Variants in MTUS2 observed in about 807,000 individuals in gnomAD.
MTUS2 encodes microtubule-associated tumor suppressor candidate 2.
In MTUS2, 40 loss-of-function variants were observed where a neutral mutation model predicts 114.1. The observed-to-expected ratio is 0.35, with a 90% CI of 0.27 to 0.46. The LOEUF (loss-of-function observed/expected upper bound fraction) is 0.46. Among genes scored for constraint, MTUS2 ranks in the 20% least tolerant of loss-of-function variants. The pLI is 1.00. For missense variants in MTUS2, 1,679 were observed against 1,705.4 expected, an observed-to-expected ratio of 0.98 and a Z score of 0.27; for synonymous variants, 688 against 672.0, an observed-to-expected ratio of 1.02 and a Z score of -0.37.
intron 4 of MTUS2, among the ~76,000 whole-genome samples, chr13:29,067,347 G>A (rs1888710259): frequency 6.6e-6 from 1 of 152,154 alleles, no homozygotes. Context: ...TGTAGGGTGG[G>A]AGTGGGGAGA....
chr13:29,426,323 G>A (rs1249908802), intron 8 of MTUS2, among the ~76,000 whole-genome samples: 2 of 152,176 alleles, frequency 1.3e-5, no homozygotes, highest in African/African-American at 4.8e-5. Flanking sequence ...TCAACTTAAC[G>A]GTATTTTCAG....
chr13:28,846,610 G>A (rs1875904503), intron 2 of MTUS2, among the ~76,000 whole-genome samples: 1 of 152,184 alleles, frequency 6.6e-6, no homozygotes, highest in Admixed American at 6.5e-5. Flanking sequence ...TAGACTGCTT[G>A]TCAGAAGAGC....
intron 8 of MTUS2, among the ~76,000 whole-genome samples, chr13:29,399,574 A>G (rs1874169551): frequency 6.6e-6 from 1 of 152,236 alleles, no homozygotes; most frequent in African/African-American, 2.4e-5. Flanking sequence ...TCAGTTACAG[A>G]ATAGATAATT....
At chr13:29,492,843 G>T in intron 12 of MTUS2, 124 bp downstream of exon 12, 1 of 739,916 alleles carries the variant, frequency 1.4e-6, no homozygotes, top group Non-Finnish European at 2.2e-6. Context: ...AGAATATAAG[G>T]TAAATAAGTC....
chr13:29,005,605 G>A (rs1267323097), intron 2 of MTUS2, among the ~76,000 whole-genome samples: 1 of 152,206 alleles, frequency 6.6e-6, no homozygotes, highest in Non-Finnish European at 1.5e-5. Context: ...TGCTGTAAGC[G>A]AGGCACAGGC....
At chr13:29,178,180 A>G (rs945360671) in intron 5 of MTUS2, among the ~76,000 whole-genome samples, 1 of 152,162 alleles carries the variant, frequency 6.6e-6, no homozygotes, top group African/African-American at 2.4e-5. Context: ...ATCACGTTGA[A>G]TACCAAACAA....
intron 5 of MTUS2, among the ~76,000 whole-genome samples, chr13:29,137,117 A>T (rs965929291): frequency 6.6e-6 from 1 of 152,210 alleles, no homozygotes; most frequent in Non-Finnish European, 1.5e-5. Flanking sequence ...TTTCTGCTGC[A>T]TCCTTATAAG....
intron 6 of MTUS2, chr13:29,307,444 G>C: frequency 2.3e-6 from 3 of 1,318,278 alleles, no homozygotes; most frequent in South Asian, 2.4e-5. Flanking sequence ...GGTCATCCCT[G>C]AGCTGAATGG....
At chr13:28,925,838 G>A (rs1394197543) in intron 2 of MTUS2, among the ~76,000 whole-genome samples, 3 of 152,192 alleles carry the variant, frequency 2.0e-5, no homozygotes, top group Non-Finnish European at 2.9e-5. Context: ...AGCTGTTAGC[G>A]TTTCTTGTGG....
chr13:29,461,467 A>ATATTTGTAT (rs1879488545), intron 9 of MTUS2, among the ~76,000 whole-genome samples: 1 of 152,266 alleles, frequency 6.6e-6, no homozygotes. Flanking sequence ...GCAACCCTAC[A>ATATTTGTAT]GTATACAAAG....
intron 9 of MTUS2, among the ~76,000 whole-genome samples, chr13:29,466,918 C>A (rs1245718390): frequency 2.0e-5 from 3 of 151,272 alleles, no homozygotes; most frequent in Non-Finnish European, 4.4e-5. Flanking sequence ...AAGAGAGGTG[C>A]CTTCCACATC....
chr13:28,980,333 G>A (rs1229130751), intron 2 of MTUS2, among the ~76,000 whole-genome samples: 4 of 152,122 alleles, frequency 2.6e-5, no homozygotes, highest in Admixed American at 2.6e-4. Context: ...ACATTAGAAG[G>A]TATGCTTTGA....
At chr13:28,994,536 A>G (rs957819618) in intron 2 of MTUS2, among the ~76,000 whole-genome samples, 7 of 152,074 alleles carry the variant, frequency 4.6e-5, no homozygotes, top group Non-Finnish European at 7.4e-5. Flanking sequence ...AAGTGTTCCT[A>G]TTTCTCCACA....
At chr13:29,499,248 G>T (rs2139014530) in intron 14 of MTUS2, among the ~76,000 whole-genome samples, 1 of 152,150 alleles carries the variant, frequency 6.6e-6, no homozygotes, top group African/African-American at 2.4e-5. Flanking sequence ...GCTAGCAAAG[G>T]GCACTCCCTA....
intron 8 of MTUS2, among the ~76,000 whole-genome samples, chr13:29,396,557 T>A (rs1056521193): frequency 2.0e-5 from 3 of 152,236 alleles, no homozygotes; most frequent in Non-Finnish European, 4.4e-5. Context: ...GTAGCTACCA[T>A]TCTGCCTGCG....
At chr13:29,391,363 A>G (rs1271541180) in intron 8 of MTUS2, among the ~76,000 whole-genome samples, 1 of 152,216 alleles carries the variant, frequency 6.6e-6, no homozygotes, top group East Asian at 1.9e-4. Context: ...AGTGGGCTTC[A>G]GGCTCAGTGG....
chr13:29,047,027 G>A (rs1887654095), intron 4 of MTUS2, among the ~76,000 whole-genome samples: 1 of 152,230 alleles, frequency 6.6e-6, no homozygotes, highest in Non-Finnish European at 1.5e-5. Context: ...CCTTGTTCAG[G>A]TGTGCTCTCA....
chr13:29,389,536 C>CATATGTGTATATGTGTACATATAT (rs144258551), intron 8 of MTUS2, among the ~76,000 whole-genome samples: 1 of 77,682 alleles, frequency 1.3e-5, no homozygotes, highest in Admixed American at 1.1e-4. Context: ...TATGTATACA[C>CATATGTGTATATGTGTACATATAT]GTGTGTATAT....
chr13:29,436,423 A>G (rs978780057), intron 8 of MTUS2, among the ~76,000 whole-genome samples: 7 of 152,234 alleles, frequency 4.6e-5, no homozygotes, highest in Non-Finnish European at 1.5e-5. Flanking sequence ...AGTAAATGAC[A>G]TAAAGGGCTT....
Sources: gnomAD v4.1 joint callset for allele counts (sites outside exome capture counted in the v4.1 genomes callset) on GRCh38, gnomAD v4.1.1 for gene constraint, MANE v1.5 for transcripts, NCBI Gene and HGNC (gene_info 2026-07-23, HGNC 2026-07-21) for gene names.